The following SLCO1B3 variants were observed in gnomAD, a reference collection of about 807,000 sequenced individuals.
SLCO1B3 encodes the protein solute carrier organic anion transporter family member 1B3.
SLCO1B3 carries 72 observed loss-of-function variants against 71.8 expected under a neutral mutation model. The observed-to-expected ratio is 1.00, with a 90% confidence interval of 0.83 to 1.22. The LOEUF (loss-of-function observed/expected upper bound fraction) is 1.22, where lower values mean the gene tolerates loss of function less well. Among genes scored for constraint, SLCO1B3 ranks in the 50% most tolerant of loss-of-function variants. The pLI is 0.00. For missense variants in SLCO1B3, 911 were observed against 819.7 expected, an observed-to-expected ratio of 1.11 and a Z score of -1.36; for synonymous variants, 298 against 278.4, an observed-to-expected ratio of 1.07 and a Z score of -0.70.
intron 14 of SLCO1B3, among the ~76,000 whole-genome samples, chr12:20,898,932 A>G (rs1014964821): frequency 1.4e-4 from 21 of 152,172 alleles, no homozygotes; most frequent in Admixed American, 6.5e-4. Context: ...GTCTAGAACA[A>G]CAGAAGCTGA....
At chr12:20,837,133 A>G (rs1303622696) in intron 3 of SLCO1B3, among the ~76,000 whole-genome samples, 1 of 151,944 alleles carries the variant, frequency 6.6e-6, no homozygotes, top group Non-Finnish European at 1.5e-5. Flanking sequence ...TATCTTTTTA[A>G]TGTCTGTGGG....
At chr12:20,902,110 G>A (rs1355304465) in intron 15 of SLCO1B3, 1 of 231,750 alleles carries the variant, frequency 4.3e-6, no homozygotes, top group East Asian at 1.6e-4. Context: ...GTGTTTGTAA[G>A]TATGACCCAA....
intron 8 of SLCO1B3, among the ~76,000 whole-genome samples, chr12:20,866,873 T>G (rs1247590980): frequency 6.6e-6 from 1 of 152,066 alleles, no homozygotes; most frequent in African/African-American, 2.4e-5. Flanking sequence ...CCTATACAAC[T>G]GCTAATCCCT....
intron 12 of SLCO1B3, 92 bp downstream of exon 12, chr12:20,881,112 T>A: frequency 1.1e-6 from 1 of 913,174 alleles, no homozygotes; most frequent in Admixed American, 2.6e-5. Flanking sequence ...ATAACTAAGG[T>A]CTCCAATAAA....
At position 20,816,499 on chromosome 12, in the gene SLCO1B3, C is replaced by T. The variant is rs565773614; in HGVS notation, c.84+677C>T. The stretch of plus-strand genomic sequence containing the variant: ...GGATTATTTCAGTTAACATAATGAT[C>T]TCCAGTTCATTTTGTTGCAAATGAC... On this transcript the variant is annotated intron_variant, in intron 3 of 15. Coordinates refer to ENST00000381545, the MANE Select transcript of SLCO1B3 (RefSeq NM_019844.4). Among the ~76,000 whole-genome samples the T allele has an allele frequency of 7.2e-5, 11 of 152,288 alleles. No homozygotes were observed. In the East Asian group the frequency reaches 7.7e-4, roughly 11 times the overall value.
At chr12:20,906,879 G>A (rs746617626) in intron 15 of SLCO1B3, among the ~76,000 whole-genome samples, 2 of 152,042 alleles carry the variant, frequency 1.3e-5, no homozygotes, top group Non-Finnish European at 1.5e-5. Flanking sequence ...ATATAACTTT[G>A]AGCCAACAGC....
At position 20,875,458 on chromosome 12, in the gene SLCO1B3, T is replaced by C; in HGVS notation, c.951T>C (p.Asn317=). 4 of 1,601,626 alleles carry C rather than the reference T, an allele frequency of 2.5e-6. No individual in the cohort carries two copies. The highest frequency in any genetic ancestry group is 2.5e-6 in the Non-Finnish European group (3 of 1,177,464). ...QTANLTNQGK[N]VTKNVTGFFQ... ...CTAATTTGACCAACCAAGGAAAAAATGTTACCAAAAATGTGACTGGTAGGT... is the reference window on the plus strand; with the variant it reads ...CTAATTTGACCAACCAAGGAAAAAACGTTACCAAAAATGTGACTGGTAGGT... The change falls in exon 9 of 16, where the codon AAT becomes AAC. Residue 317 remains asparagine (N), a synonymous_variant. Coordinates refer to ENST00000381545, the MANE Select transcript of SLCO1B3 (RefSeq NM_019844.4).
intron 1 of SLCO1B3, among the ~76,000 whole-genome samples, chr12:20,811,774 AT>A (rs1268585145): frequency 6.6e-6 from 1 of 152,210 alleles, no homozygotes; most frequent in African/African-American, 2.4e-5. Flanking sequence ...CAGAAATAAT[AT>A]GTTCAGAGCA....
chr12:20,828,209 C>G (rs1438200178), intron 3 of SLCO1B3, among the ~76,000 whole-genome samples: 1 of 151,000 alleles, frequency 6.6e-6, no homozygotes, highest in East Asian at 1.9e-4. Flanking sequence ...TTACGGTGCA[C>G]TTGGCTACAA....
intron 2 of SLCO1B3, among the ~76,000 whole-genome samples, chr12:20,815,117 G>C (rs1430150383): frequency 2.0e-5 from 3 of 151,780 alleles, no homozygotes; most frequent in African/African-American, 7.3e-5. Flanking sequence ...GAGATACTTG[G>C]AATATATTTT....
chr12:20,868,010 G>A (rs1201484673), intron 8 of SLCO1B3, among the ~76,000 whole-genome samples: 2 of 152,144 alleles, frequency 1.3e-5, no homozygotes, highest in Non-Finnish European at 2.9e-5. Context: ...AAAGCGTTAT[G>A]ATGACCCACT....
At chr12:20,896,086 C>G (rs80181318) in intron 13 of SLCO1B3, among the ~76,000 whole-genome samples, 1 of 152,248 alleles carries the variant, frequency 6.6e-6, no homozygotes, top group African/African-American at 2.4e-5. Context: ...GCACAGGGAC[C>G]CTGGGCCTGG....
At chr12:20,813,947 G>A (rs1191358307) in intron 2 of SLCO1B3, among the ~76,000 whole-genome samples, 2 of 152,000 alleles carry the variant, frequency 1.3e-5, no homozygotes, top group Non-Finnish European at 2.9e-5. Flanking sequence ...TATATAATCA[G>A]TATCCTATTA....
chr12:20,869,312 A>C (rs900871516), intron 8 of SLCO1B3, among the ~76,000 whole-genome samples: 2 of 151,936 alleles, frequency 1.3e-5, no homozygotes, highest in Admixed American at 6.6e-5. Context: ...GAAGGCTCGC[A>C]CTCTTGTCTT....
At chr12:20,834,382 T>TAA (rs1362234738) in intron 3 of SLCO1B3, among the ~76,000 whole-genome samples, 3 of 145,552 alleles carry the variant, frequency 2.1e-5, no homozygotes, top group South Asian at 2.1e-4. Flanking sequence ...TATATATATA[T>TAA]AATTATATAT....
rs776910888 is a variant in SLCO1B3 at position 20,916,212 on chromosome 12, A to C, written c.2074A>C (p.Asn692His). 1.2e-6 allele frequency: 2 copies of C among 1,612,854 alleles called. No individual in the cohort carries two copies. The highest frequency in any genetic ancestry group is 1.7e-6 in the Non-Finnish European group (2 of 1,179,008). ...TGCTGGAACAGATAGTAAAACATGTAATTTGGACATGCAAGACAATGCTGC... is the reference window on the plus strand; with the variant it reads ...TGCTGGAACAGATAGTAAAACATGTCATTTGGACATGCAAGACAATGCTGC... ...PSAGTDSKTC[N>H]LDMQDNAAAN is the part of the protein sequence containing the mutation. Residue 692 changes from asparagine to histidine, a missense_variant, in exon 16 of 16, where the codon AAT becomes CAT. Transcript: ENST00000381545.
rs1022991074 is a variant in SLCO1B3 at position 20,871,998 on chromosome 12, A to G, written c.728-3237A>G. Among the ~76,000 whole-genome samples the G allele has an allele frequency of 5.9e-5, 9 of 152,244 alleles. 1 individual carries two copies. The highest frequency in any genetic ancestry group is 1.3e-4 in the Admixed American group (2 of 15,300). ...GTTCCTCTAGGCCTCAGGCTGGCCT[A>G]CAGATGCTGTCTGAGAGCCAAGGAT... On this transcript the variant is annotated intron_variant, in intron 8 of 15. Transcript: ENST00000381545.
chr12:20,814,489 G>A (rs932676582), intron 2 of SLCO1B3, among the ~76,000 whole-genome samples: 37 of 152,044 alleles, frequency 2.4e-4, no homozygotes, highest in African/African-American at 8.9e-4. Flanking sequence ...AGCAAAATGA[G>A]GACTTTTATT....
At chr12:20,844,787 TG>T (rs1864878810) in intron 3 of SLCO1B3, among the ~76,000 whole-genome samples, 1 of 151,988 alleles carries the variant, frequency 6.6e-6, no homozygotes, top group South Asian at 2.1e-4. Context: ...CCCAGCACTT[TG>T]GGAGGCCAAG....
Sources: gnomAD v4.1 joint callset for allele counts (sites outside exome capture counted in the v4.1 genomes callset) on GRCh38, gnomAD v4.1.1 for gene constraint, MANE v1.5 for transcripts, NCBI Gene and HGNC (gene_info 2026-07-23, HGNC 2026-07-21) for gene names.